PDZD2: variants seen among roughly 807,000 people sequenced by gnomAD.
PDZD2 encodes PDZ domain containing 2, also known as PDZ domain-containing protein 2.
PDZD2 carries 90 observed loss-of-function variants against 220.7 expected under a neutral mutation model. The observed-to-expected ratio is 0.41, with a 90% confidence interval of 0.34 to 0.49. The LOEUF is 0.49. Ranked by LOEUF, PDZD2 falls within the 20% of genes least tolerant of loss-of-function variation. PDZD2 has a pLI of 0.28. For missense variants in PDZD2, 3,174 were observed against 3,608.5 expected, an observed-to-expected ratio of 0.88 and a Z score of 3.08; for synonymous variants, 1,375 against 1,450.5, an observed-to-expected ratio of 0.95 and a Z score of 1.18.
At chr5:32,093,068 G>A (rs368996222) in intron 21 of PDZD2, 44 bp downstream of exon 21, 77 of 1,021,564 alleles carry the variant, frequency 7.5e-5, no homozygotes, top group African/African-American at 6.5e-4. Context: ...TTGCGGCCGC[G>A]TGAGTGCCCA....
chr5:31,896,553 A>G (rs1289992174), intron 2 of PDZD2, among the ~76,000 whole-genome samples: 2 of 152,194 alleles, frequency 1.3e-5, no homozygotes, highest in Non-Finnish European at 2.9e-5. Context: ...TAAGGGCTGG[A>G]TATTAAATCC....
intron 2 of PDZD2, among the ~76,000 whole-genome samples, chr5:31,972,719 G>A (rs58330251): frequency 0.13 from 19,935 of 152,220 alleles, 1,808 homozygotes; most frequent in African/African-American, 0.25. Context: ...CTACATATGT[G>A]TTCTGATGTT....
intron 1 of PDZD2, among the ~76,000 whole-genome samples, chr5:31,661,786 T>TTTG (rs1040394418): frequency 3.2e-3 from 18 of 5,680 alleles, no homozygotes; most frequent in African/African-American, 3.6e-3. Flanking sequence ...CCTCCCTTGG[T>TTTG]TTTTTTTTTT....
intron 2 of PDZD2, among the ~76,000 whole-genome samples, chr5:31,910,945 C>A (rs1458815042): frequency 1.3e-5 from 2 of 152,110 alleles, no homozygotes; most frequent in Non-Finnish European, 2.9e-5. Context: ...GATTTCCCCC[C>A]TTTATTTTAA....
chr5:31,854,915 A>AG (rs34502149), intron 2 of PDZD2: 187,945 of 916,922 alleles, frequency 0.2, 16,541 homozygotes, highest in Middle Eastern at 0.24. Flanking sequence ...CGGAGGGAGG[A>AG]GGGGGGGGTC....
intron 2 of PDZD2, among the ~76,000 whole-genome samples, chr5:31,975,126 T>C (rs1000963181): frequency 3.9e-4 from 60 of 152,188 alleles, no homozygotes; most frequent in Non-Finnish European, 1.5e-5. Flanking sequence ...CATATTTGTT[T>C]ATTTGTATTC....
chr5:31,752,590 T>G lies in PDZD2; in HGVS notation c.-360-46299T>G, dbSNP rs63039160. Among the ~76,000 whole-genome samples, 8 of 145,470 alleles carry G rather than the reference T, an allele frequency of 5.5e-5. 1 individual carries two copies. The highest frequency in any genetic ancestry group is 2.7e-4 in the Admixed American group (4 of 14,694). ...ATAAAATAAAATAGGCGTTTTTTTT[T>G]CCCCCCCAGAGATGGAGTCTCCTTA... On this transcript the variant is annotated intron_variant, in intron 1 of 24. Transcript: ENST00000438447.
intron 1 of PDZD2, chr5:31,744,228 A>G (rs1434971166): frequency 2.0e-5 from 3 of 152,164 alleles, no homozygotes; most frequent in Admixed American, 2.0e-4. Context: ...TGTTGTTTCC[A>G]TTTCTAAATC....
At chr5:31,906,699 C>T (rs952353433) in intron 2 of PDZD2, among the ~76,000 whole-genome samples, 65 of 152,040 alleles carry the variant, frequency 4.3e-4, no homozygotes, top group African/African-American at 1.4e-3. Flanking sequence ...AAAAATTAGC[C>T]GGGCATGGTG....
intron 1 of PDZD2, chr5:31,725,888 C>A: frequency 2.7e-6 from 2 of 739,578 alleles, no homozygotes; most frequent in South Asian, 1.4e-5. Context: ...TTTTCTAGGA[C>A]TATACAATCT....
chr5:31,781,624 G>C (rs1167099395), intron 1 of PDZD2, among the ~76,000 whole-genome samples: 2 of 152,196 alleles, frequency 1.3e-5, no homozygotes, highest in Non-Finnish European at 2.9e-5. Context: ...GAAACTAATA[G>C]AATCAGAGCA....
At chr5:32,101,061 G>A (rs771796629) in intron 23 of PDZD2, 44 bp from the exon 24 acceptor site, 6 of 1,612,746 alleles carry the variant, frequency 3.7e-6, no homozygotes, top group Middle Eastern at 1.6e-4. Flanking sequence ...GTGGCATGAT[G>A]AACAACCCTG....
intron 1 of PDZD2, among the ~76,000 whole-genome samples, chr5:31,708,519 A>G (rs574271298): frequency 6.6e-6 from 1 of 152,290 alleles, no homozygotes; most frequent in African/African-American, 2.4e-5. Flanking sequence ...AGATCCTCCA[A>G]AGGTCTCAGA....
At position 32,015,089 on chromosome 5, in the gene PDZD2, C is replaced by G. The variant is rs767029507; in HGVS notation, c.1407+4607C>G. On this transcript the variant is annotated intron_variant, in intron 6 of 24. Transcript: ENST00000438447. ...CCTGAGTAGCTGGCACTACAGGCAC[C>G]CGCCACCACACCCAGCTGATTTTTG... 1.5e-4 allele frequency among the ~76,000 whole-genome samples: 22 copies of G among 149,078 alleles called. 1 individual carries two copies. Among genetic ancestry groups the G allele is most frequent in the Non-Finnish European group, 3.3e-4 (22 of 67,224 alleles).
intron 1 of PDZD2, chr5:31,725,456 C>T (rs1269089949): frequency 3.3e-6 from 4 of 1,226,746 alleles, no homozygotes; most frequent in Non-Finnish European, 3.3e-6. Context: ...ACATTGTATT[C>T]CTGATAATTT....
chr5:31,861,054 C>T (rs901630342), intron 2 of PDZD2, among the ~76,000 whole-genome samples: 5 of 152,126 alleles, frequency 3.3e-5, no homozygotes, highest in Non-Finnish European at 7.4e-5. Flanking sequence ...GAAAGTCTGT[C>T]GTGGAGTTTC....
chr5:32,020,568 A>T (rs1286388061), intron 6 of PDZD2, among the ~76,000 whole-genome samples: 1 of 152,178 alleles, frequency 6.6e-6, no homozygotes, highest in African/African-American at 2.4e-5. Context: ...TCTTACTCTT[A>T]AGAGGAACAG....
intron 1 of PDZD2, among the ~76,000 whole-genome samples, chr5:31,691,005 T>C (rs1747094277): frequency 6.6e-6 from 1 of 152,328 alleles, no homozygotes; most frequent in African/African-American, 2.4e-5. Context: ...CAGAGGAGCC[T>C]AGGCTCTGGC....
At chr5:31,659,620 C>T (rs1365654991) in intron 1 of PDZD2, among the ~76,000 whole-genome samples, 1 of 152,030 alleles carries the variant, frequency 6.6e-6, no homozygotes, top group African/African-American at 2.4e-5. Context: ...AACCACTATC[C>T]ATTGGATAAA....
Sources: gnomAD v4.1 joint callset for allele counts (sites outside exome capture counted in the v4.1 genomes callset) on GRCh38, gnomAD v4.1.1 for gene constraint, MANE v1.5 for transcripts, NCBI Gene and HGNC (gene_info 2026-07-23, HGNC 2026-07-21) for gene names.